CLDND2: variants seen among roughly 807,000 people sequenced by gnomAD.
CLDND2 encodes the protein claudin domain containing 2, also known as claudin domain-containing protein 2.
CLDND2 carries 18 observed loss-of-function variants against 17.7 expected under a neutral mutation model. The ratio of observed to expected loss-of-function variants is 1.02; its 90% CI spans 0.70 to 1.51. The LOEUF is 1.51. CLDND2 is among the 40% of genes most tolerant of loss of function. The probability of loss-of-function intolerance (pLI) is 0.00; values close to 1 mark genes in which losing one functional copy is unlikely to be tolerated. For synonymous variants in CLDND2, 113 were observed against 93.0 expected (o/e 1.22, Z -1.24); for missense variants, 233 against 219.6 (o/e 1.06, Z -0.39).
rs1186969127 is a variant in CLDND2, at chr19:51,367,851, C to G, written c.310+35G>C. The G allele has an allele frequency of 6.2e-7, 1 of 1,602,056 alleles. No individual in the cohort carries two copies. The highest frequency in any genetic ancestry group is 1.1e-5 in the South Asian group (1 of 90,312). ...GCCCCTCCATCACCCAGGGCCCGCCCCTGCCTGCCCGCCTGGGGCGGTCTG... is the reference window on the plus strand; with the variant it reads ...GCCCCTCCATCACCCAGGGCCCGCCGCTGCCTGCCCGCCTGGGGCGGTCTG... On this transcript the variant is annotated intron_variant, in intron 2 of 3. Transcript: ENST00000291715. The surrounding 1 kb of genome is among the most constrained non-coding windows in gnomAD (Gnocchi z 7.4).
At position 51,367,865 on chromosome 19, in the gene CLDND2, T is replaced by A. The variant is rs1986480715; in HGVS notation, c.310+21A>T. ...CAGGGCCCGCCCCTGCCTGCCCGCC[T>A]GGGGCGGTCTGCAGTCTCACCGCCG... is the stretch of plus-strand genomic sequence containing the variant. On this transcript the variant is annotated intron_variant, in intron 2 of 3. Transcript: ENST00000291715. The surrounding 1 kb of genome is among the most constrained non-coding windows in gnomAD (Gnocchi z 7.4). The A allele has an allele frequency of 6.2e-7, 1 of 1,606,502 alleles. No individual in the cohort carries two copies.
At position 51,367,532 on chromosome 19, in the gene CLDND2, C is replaced by T. The variant is rs745910460; in HGVS notation, c.355G>A (p.Ala119Thr). 22 of 1,611,952 alleles carry T rather than the reference C, an allele frequency of 1.4e-5. No homozygotes were observed. Among genetic ancestry groups the T allele is most frequent in the Non-Finnish European group, 1.7e-5 (20 of 1,179,096 alleles). ...GAGAAGAAGACGTTGTTCTTCCACG[C>T]ATTCTTCACGGTGTAGCCTATCAAG... ...TALIGYTVKN[A>T]WKNNVFFSWS... The change falls in exon 3 of 4, where the codon GCG (alanine) becomes ACG (threonine). Residue 119 changes from alanine (A) to threonine (T), a missense_variant. By Grantham distance (58) the Ala-to-Thr change is moderately conservative. Coordinates refer to ENST00000291715, the MANE Select transcript of CLDND2 (RefSeq NM_152353.3). This position sits in a 1 kb window ranked among gnomAD's most constrained non-coding sequence, Gnocchi z 7.4.
Position 51,368,413 on chromosome 19 carries a change from G to GC in CLDND2, c.164dup (p.Cys55TrpfsTer?). The GC allele has an allele frequency of 6.2e-7, 1 of 1,611,334 alleles. No homozygotes were observed. The highest frequency in any genetic ancestry group is 1.3e-5 in the African/African-American group (1 of 75,054). On this transcript the variant is annotated frameshift_variant, in exon 1 of 4. Coordinates refer to ENST00000291715, the MANE Select transcript of CLDND2 (RefSeq NM_152353.3). LOFTEE classifies it high-confidence loss of function. ...TCTGGGCGGGCGGAGCCTCACTCTG[G>GC]CAGGGGATGCTGGAGCAGATGCCGT...
In CLDND2 at chr19:51,367,940, C is replaced by T. The variant is rs61736500; in HGVS notation, c.256G>A (p.Asp86Asn). 7,995 of 1,613,108 alleles carry T rather than the reference C, an allele frequency of 5.0e-3. 24 individuals are homozygous for T. The highest frequency in any genetic ancestry group is 5.7e-3 in the Non-Finnish European group (6,700 of 1,179,686). Residue 86 changes from aspartate (D) to asparagine (N), a missense_variant, in exon 2 of 4, where the codon GAC (aspartate) becomes AAC (asparagine). By Grantham distance (23) the Asp-to-Asn change is conservative. Coordinates refer to ENST00000291715, the MANE Select transcript of CLDND2 (RefSeq NM_152353.3). The surrounding 1 kb of genome is among the most constrained non-coding windows in gnomAD (Gnocchi z 7.4). ...TGGCCCCGCAGCGACTCGCCCTCGT[C>T]GCACCGAATCCGCAGTCCCATCACC... is the stretch of plus-strand genomic sequence containing the variant. Reference protein sequence around the residue: ...GMVMGLRIRCDEGESLRGQTT... With the variant: ...GMVMGLRIRCNEGESLRGQTT...
Position 51,367,276 on chromosome 19 carries a change from A to G in CLDND2, c.431-61T>C. On this transcript the variant is annotated intron_variant, in intron 3 of 3. Transcript: ENST00000291715. The surrounding 1 kb of genome is among the most constrained non-coding windows in gnomAD (Gnocchi z 7.4). ...GTGGGCCCTGGGGCGGATGGCCGGG[A>G]GGGCCCCGGGGACTGGGGTTTGGGG... The G allele has an allele frequency of 6.4e-7, 1 of 1,568,608 alleles. No individual in the cohort carries two copies. Among genetic ancestry groups the G allele is most frequent in the Non-Finnish European group, 8.8e-7 (1 of 1,140,664 alleles).
chr19:51,368,647 A>C lies in CLDND2; in HGVS notation c.-70T>G. ...AGGCCTTTCCTACCCCGAGGCCCCC[A>C]GCTGAGGAGCCCGCTTCCTCCACAC... On this transcript the variant is annotated 5_prime_UTR_variant, in exon 1 of 4. Coordinates refer to ENST00000291715, the MANE Select transcript of CLDND2 (RefSeq NM_152353.3). 7.2e-7 allele frequency: 1 copy of C among 1,389,890 alleles called. No individual in the cohort carries two copies. The highest frequency in any genetic ancestry group is 1.9e-4 in the Middle Eastern group (1 of 5,238). 86.1% of individuals were successfully genotyped at this position (1,389,890 alleles called of 1,614,324 possible). A position where few individuals can be genotyped will look rare whatever the true frequency, so the allele number is the denominator to read the frequency against.
Position 51,368,595 on chromosome 19 carries a change from C to G in CLDND2, c.-18G>C. On this transcript the variant is annotated 5_prime_UTR_variant, in exon 1 of 4. Transcript: ENST00000291715. ...ACCCCCATGCCACTGAGGCTGCAGC[C>G]GGGGGCCACAAGGGCAGGATGGGCC... is the stretch of plus-strand genomic sequence containing the variant. 1 of 1,608,372 alleles carries G rather than the reference C, an allele frequency of 6.2e-7. No individual in the cohort carries two copies. The highest frequency in any genetic ancestry group is 8.5e-7 in the Non-Finnish European group (1 of 1,178,056).
In CLDND2 at chr19:51,368,825, G is replaced by T. The variant is rs894495147; in HGVS notation, c.-248C>A. On this transcript the variant is annotated 5_prime_UTR_variant, in exon 1 of 4. Transcript: ENST00000291715. ...GAGACTTCCCCTGAGAGGCCTCTGA[G>T]ACCTTCACCACAGGCTTTGCTGTGA... 2.1e-6 allele frequency: 1 copy of T among 467,540 alleles called. No homozygotes were observed. The highest frequency in any genetic ancestry group is 3.8e-6 in the Non-Finnish European group (1 of 260,438). 29.0% of individuals were successfully genotyped at this position (467,540 alleles called of 1,614,324 possible). A position where few individuals can be genotyped will look rare whatever the true frequency, so the allele number is the denominator to read the frequency against.
Position 51,367,129 on chromosome 19 carries a change from A to T in CLDND2, c.*13T>A, listed in dbSNP as rs1568472568. 4 of 1,613,686 alleles carry T rather than the reference A, an allele frequency of 2.5e-6. No individual in the cohort carries two copies. Among genetic ancestry groups the T allele is most frequent in the Admixed American group, 1.7e-5 (1 of 60,006 alleles). Reference sequence around the variant, plus strand: ...AAAAGCCGTTCCTTTATTCTGCCCCAGGCAGGCTGCAGTCACAGACACACG... The same window carrying T: ...AAAAGCCGTTCCTTTATTCTGCCCCTGGCAGGCTGCAGTCACAGACACACG... On this transcript the variant is annotated 3_prime_UTR_variant, in exon 4 of 4. Transcript: ENST00000291715. This position sits in a 1 kb window ranked among gnomAD's most constrained non-coding sequence, Gnocchi z 7.4.
Position 51,367,472 on chromosome 19 carries a change from A to G in CLDND2, c.415T>C (p.Phe139Leu). The change falls in exon 3 of 4, where the codon TTC becomes CTC. Residue 139 changes from phenylalanine to leucine, a missense_variant. Coordinates refer to ENST00000291715, the MANE Select transcript of CLDND2 (RefSeq NM_152353.3). This position sits in a 1 kb window ranked among gnomAD's most constrained non-coding sequence, Gnocchi z 7.4. ...TCCAGTTTACCCGCGAGAATTGAGA[A>G]GGGTAAGGCCAGCCACCCAGAAAAA... is the stretch of plus-strand genomic sequence containing the variant. ...SYFSGWLALP[F>L]SILAGFCFLL... 1 of 1,601,740 alleles carries G rather than the reference A, an allele frequency of 6.2e-7. No homozygotes were observed. Among genetic ancestry groups the G allele is most frequent in the Non-Finnish European group, 8.5e-7 (1 of 1,173,480 alleles).
Position 51,367,218 on chromosome 19 carries a change from G to A in CLDND2, c.431-3C>T. 1 of 1,613,974 alleles carries A rather than the reference G, an allele frequency of 6.2e-7. No homozygotes were observed. The highest frequency in any genetic ancestry group is 8.5e-7 in the Non-Finnish European group (1 of 1,179,894). On this transcript the variant is annotated splice_polypyrimidine_tract_variant and splice_region_variant and intron_variant, in intron 3 of 3. Coordinates refer to ENST00000291715, the MANE Select transcript of CLDND2 (RefSeq NM_152353.3). The surrounding 1 kb of genome is among the most constrained non-coding windows in gnomAD (Gnocchi z 7.4). ...GTCTGCCAGCAGAAAGCAGAAGCCT[G>A]GGGGGACGGGGGTGCGGAGCAGGGA...
In CLDND2 at chr19:51,367,895, A is replaced by G; in HGVS notation, c.301T>C (p.Phe101Leu). The G allele has an allele frequency of 1.9e-6, 3 of 1,611,422 alleles. No individual in the cohort carries two copies. Among genetic ancestry groups the G allele is most frequent in the South Asian group, 2.2e-5 (2 of 90,996 alleles). The stretch of plus-strand genomic sequence containing the variant: ...CGGTCTGCAGTCTCACCGCCGAGGA[A>G]GAGGAAGGCGCTCGTGGTCTGGCCC... ...LRGQTTSAFL[F>L]LGGLLLLTAL... Residue 101 changes from phenylalanine (F) to leucine (L), a missense_variant, in exon 2 of 4, where the codon TTC (phenylalanine) becomes CTC (leucine). By Grantham distance (22) the Phe-to-Leu change is conservative. Transcript: ENST00000291715. This position sits in a 1 kb window ranked among gnomAD's most constrained non-coding sequence, Gnocchi z 7.4.
chr19:51,368,429 C>A lies in CLDND2; in HGVS notation c.149G>T (p.Cys50Phe), dbSNP rs776039544. Reference protein sequence around the residue: ...GLWQECNHGICSSIPCQTTLA... With the variant: ...GLWQECNHGIFSSIPCQTTLA... Reference sequence around the variant, plus strand: ...CTCACTCTGGCAGGGGATGCTGGAGCAGATGCCGTGGTTGCATTCCTGCCA... The same window carrying A: ...CTCACTCTGGCAGGGGATGCTGGAGAAGATGCCGTGGTTGCATTCCTGCCA... The change falls in exon 1 of 4, where the codon TGC (cysteine) becomes TTC (phenylalanine). Residue 50 changes from cysteine to phenylalanine, a missense_variant. Physicochemically the swap from Cys to Phe is radical, Grantham distance 205. Coordinates refer to ENST00000291715, the MANE Select transcript of CLDND2 (RefSeq NM_152353.3). The A allele has an allele frequency of 6.2e-7, 1 of 1,613,204 alleles. No homozygotes were observed. The highest frequency in any genetic ancestry group is 8.5e-7 in the Non-Finnish European group (1 of 1,179,806).
In CLDND2 at chr19:51,368,673, T is replaced by C. The variant is rs1986545453; in HGVS notation, c.-96A>G. 12 of 1,087,230 alleles carry C rather than the reference T, an allele frequency of 1.1e-5. No individual in the cohort carries two copies. The highest frequency in any genetic ancestry group is 2.6e-5 in the Admixed American group (1 of 38,296). The allele number at this position is 1,087,230 out of a possible 1,614,324, so 67.3% of individuals were successfully genotyped here. On this transcript the variant is annotated 5_prime_UTR_variant, in exon 1 of 4. Coordinates refer to ENST00000291715, the MANE Select transcript of CLDND2 (RefSeq NM_152353.3). ...GCTGAGGAGCCCGCTTCCTCCACAC[T>C]CCTCCCCTGGTACTCCTGCCTGAGG...
At position 51,368,414 on chromosome 19, in the gene CLDND2, C is replaced by A. The variant is rs149708978; in HGVS notation, c.164G>T (p.Cys55Phe). 3.8e-5 allele frequency: 61 copies of A among 1,611,402 alleles called. No homozygotes were observed. In the African/African-American group the frequency reaches 7.5e-4, roughly 20 times the overall value. ...CNHGICSSIP[C>F]QTTLAVTVAC... ...CTGGGCGGGCGGAGCCTCACTCTGG[C>A]AGGGGATGCTGGAGCAGATGCCGTG... The change falls in exon 1 of 4, where the codon TGC becomes TTC. Residue 55 changes from cysteine to phenylalanine, a missense_variant. Physicochemically the swap from Cys to Phe is radical, Grantham distance 205. Transcript: ENST00000291715.
At position 51,367,126 on chromosome 19, in the gene CLDND2, C is replaced by T. The variant is rs370612637; in HGVS notation, c.*16G>A. 497 of 1,613,662 alleles carry T rather than the reference C, an allele frequency of 3.1e-4. No homozygotes were observed. Among genetic ancestry groups the T allele is most frequent in the Non-Finnish European group, 4.0e-4 (475 of 1,179,672 alleles). On this transcript the variant is annotated 3_prime_UTR_variant, in exon 4 of 4. Transcript: ENST00000291715. This position sits in a 1 kb window ranked among gnomAD's most constrained non-coding sequence, Gnocchi z 7.4. The stretch of plus-strand genomic sequence containing the variant: ...AAAAAAAGCCGTTCCTTTATTCTGC[C>T]CCAGGCAGGCTGCAGTCACAGACAC...
downstream of CLDND2, chr19:51,367,021 T>C: frequency 2.3e-6 from 2 of 877,452 alleles, no homozygotes; most frequent in South Asian, 1.4e-5. The surrounding 1 kb of genome is among the most constrained non-coding windows in gnomAD (Gnocchi z 7.4). Flanking sequence ...GTTCATGTCC[T>C]TATGTCTTCC....
chr19:51,368,696 A>G lies in CLDND2; in HGVS notation c.-119T>C. 2 of 885,534 alleles carry G rather than the reference A, an allele frequency of 2.3e-6. No individual in the cohort carries two copies. The highest frequency in any genetic ancestry group is 3.3e-6 in the Non-Finnish European group (2 of 599,000). 54.9% of individuals were successfully genotyped at this position (885,534 alleles called of 1,614,324 possible). A position where few individuals can be genotyped will look rare whatever the true frequency, so the allele number is the denominator to read the frequency against. The stretch of plus-strand genomic sequence containing the variant: ...ACTCCTCCCCTGGTACTCCTGCCTG[A>G]GGTCCCTGCTTCTGGGGACCTGGAG... On this transcript the variant is annotated 5_prime_UTR_variant, in exon 1 of 4. Transcript: ENST00000291715.
Position 51,368,572 on chromosome 19 carries a change from C to T in CLDND2, c.6G>A (p.Gly2=), listed in dbSNP as rs538045785. The T allele has an allele frequency of 5.2e-5, 84 of 1,612,580 alleles. No homozygotes were observed. In the South Asian group the frequency reaches 5.9e-4, roughly 11 times the overall value. ...CCCCACTCTGGAGGCTCCGCTTCAC[C>T]CCCATGCCACTGAGGCTGCAGCCGG... M[G]VKRSLQSGGI... The change falls in exon 1 of 4, where the codon GGG becomes GGA. Residue 2 remains glycine, a synonymous_variant. Coordinates refer to ENST00000291715, the MANE Select transcript of CLDND2 (RefSeq NM_152353.3).
Sources: allele counts gnomAD v4.1 joint callset, GRCh38; gene constraint gnomAD v4.1.1; non-coding constraint Gnocchi (gnomAD v3.1); transcripts MANE v1.5; gene names NCBI Gene and HGNC (gene_info 2026-07-23, HGNC 2026-07-21).